PIK3C2G: variants seen among roughly 807,000 people sequenced by gnomAD.
PIK3C2G encodes phosphatidylinositol-4-phosphate 3-kinase catalytic subunit type 2 gamma.
PIK3C2G carries 168 observed loss-of-function variants against 181.1 expected under a neutral mutation model. The observed-to-expected ratio is 0.93, with a 90% CI of 0.82 to 1.05. The LOEUF is 1.05. Ranked by LOEUF, PIK3C2G falls within the 50% of genes least tolerant of loss-of-function variation. The pLI is 0.00. For synonymous variants in PIK3C2G, 573 were observed against 592.2 expected (o/e 0.97, Z 0.47); for missense variants, 1,869 against 1,732.8 (o/e 1.08, Z -1.40).
rs757230788 is a variant in PIK3C2G, at chr12:18,391,153, T to C, written c.2027T>C (p.Met676Thr). 3 of 1,608,936 alleles carry C rather than the reference T, an allele frequency of 1.9e-6. No homozygotes were observed. Among genetic ancestry groups the C allele is most frequent in the Admixed American group, 3.4e-5 (2 of 59,522 alleles). Residue 676 changes from methionine (M) to threonine (T), a missense_variant, in exon 15 of 33, where the codon ATG (methionine) becomes ACG (threonine). Physicochemically the swap from Met to Thr is moderately conservative, Grantham distance 81. Transcript: ENST00000538779. ...IDFPATGWEYMKPDSEENRSN... is the reference protein window; with the variant it reads ...IDFPATGWEYTKPDSEENRSN... ...TTTCCAGCTACTGGGTGGGAGTATA[T>C]GAAACCTGATTCTGAAGAGAATAGA... is the stretch of plus-strand genomic sequence containing the variant.
chr12:18,380,061 C>A (rs188089573), intron 13 of PIK3C2G, among the ~76,000 whole-genome samples: 1 of 152,294 alleles, frequency 6.6e-6, no homozygotes, highest in African/African-American at 2.4e-5. Flanking sequence ...TGATTTCCTT[C>A]CAGGATCTGA....
the PIK3C2G span, among the ~76,000 whole-genome samples, chr12:18,671,127 A>G: frequency 6.6e-6 from 1 of 151,458 alleles, no homozygotes; most frequent in Admixed American, 6.6e-5. Flanking sequence ...CAGTGATTTC[A>G]GCAGTGAGCC....
At chr12:18,442,605 T>C (rs1946804479) in intron 18 of PIK3C2G, among the ~76,000 whole-genome samples, 1 of 152,066 alleles carries the variant, frequency 6.6e-6, no homozygotes, top group Non-Finnish European at 1.5e-5. Context: ...CTCATACAAA[T>C]ATAGAGAGGC....
chr12:18,495,306 G>A (rs1213854231), intron 20 of PIK3C2G, among the ~76,000 whole-genome samples: 2 of 151,982 alleles, frequency 1.3e-5, no homozygotes, highest in African/African-American at 4.8e-5. Context: ...AAAATAAGAG[G>A]AAAACAGGCA....
chr12:18,496,192 C>A, intron 21 of PIK3C2G, 38 bp downstream of exon 21: 2 of 1,147,734 alleles, frequency 1.7e-6, no homozygotes, highest in Non-Finnish European at 2.5e-6. Flanking sequence ...TGATTCCATA[C>A]ACAGAACTAT....
At chr12:18,531,731 A>T (rs1406771875) in intron 24 of PIK3C2G, among the ~76,000 whole-genome samples, 1 of 152,238 alleles carries the variant, frequency 6.6e-6, no homozygotes, top group African/African-American at 2.4e-5. Context: ...TTTATTGACA[A>T]ATAACATTTC....
At position 18,377,275 on chromosome 12, in the gene PIK3C2G, TCTC is replaced by T. The variant is rs549320816; in HGVS notation, c.1881-4488_1881-4486del. 2.9e-3 allele frequency among the ~76,000 whole-genome samples: 448 copies of T among 152,300 alleles called. 2 individuals are homozygous for T. Among genetic ancestry groups the T allele is most frequent in the Middle Eastern group, 0.01 (3 of 294 alleles). Reference sequence around the variant, plus strand: ...AAAGAGGGTAAACCAGCCCATCTGTTCTCCTGGTGTCACAAATTTTGTGTTGGC... The same window carrying T: ...AAAGAGGGTAAACCAGCCCATCTGTTCTGGTGTCACAAATTTTGTGTTGGC... On this transcript the variant is annotated intron_variant, in intron 13 of 32. Transcript: ENST00000538779.
intron 18 of PIK3C2G, among the ~76,000 whole-genome samples, chr12:18,477,144 A>C (rs147290233): frequency 3.3e-5 from 5 of 152,158 alleles, no homozygotes; most frequent in African/African-American, 1.2e-4. Context: ...CGCCAGCCCT[A>C]TGGGATTAAG....
At chr12:18,460,011 C>T (rs192018159) in intron 18 of PIK3C2G, among the ~76,000 whole-genome samples, 8 of 152,280 alleles carry the variant, frequency 5.3e-5, no homozygotes, top group East Asian at 1.9e-4. Flanking sequence ...GTAAGATGCC[C>T]GCCTCGGCCT....
At chr12:18,450,021 C>G (rs1947261622) in intron 18 of PIK3C2G, among the ~76,000 whole-genome samples, 1 of 152,222 alleles carries the variant, frequency 6.6e-6, no homozygotes, top group African/African-American at 2.4e-5. Context: ...ATTTGCATTT[C>G]TCTAATAACC....
At chr12:18,577,464 G>A (rs1386705488) in intron 29 of PIK3C2G, among the ~76,000 whole-genome samples, 1 of 152,026 alleles carries the variant, frequency 6.6e-6, no homozygotes, top group Non-Finnish European at 1.5e-5. Context: ...CAGTATTTAC[G>A]GAAAGCAAGG....
At chr12:18,667,975 CA>C in the PIK3C2G span, among the ~76,000 whole-genome samples, 16 of 151,440 alleles carry the variant, frequency 1.1e-4, no homozygotes, top group Admixed American at 5.9e-4. Flanking sequence ...GCAACAACAA[CA>C]AAAAAAAAAG....
intron 22 of PIK3C2G, among the ~76,000 whole-genome samples, chr12:18,498,181 C>G (rs1291067997): frequency 6.6e-6 from 1 of 152,142 alleles, no homozygotes; most frequent in Non-Finnish European, 1.5e-5. Context: ...AATTTAATTT[C>G]TAAAATACTT....
chr12:18,718,284 T>C, the PIK3C2G span, among the ~76,000 whole-genome samples: 1 of 152,174 alleles, frequency 6.6e-6, no homozygotes, highest in Non-Finnish European at 1.5e-5. Context: ...CCACCAGCTA[T>C]ATCACCTGCA....
intron 15 of PIK3C2G, among the ~76,000 whole-genome samples, chr12:18,391,525 T>C (rs961534123): frequency 6.6e-6 from 1 of 152,188 alleles, no homozygotes; most frequent in Non-Finnish European, 1.5e-5. Flanking sequence ...AGTGATCATA[T>C]ATACATCAGC....
At chr12:18,324,753 G>T (rs1160702821) in intron 7 of PIK3C2G, among the ~76,000 whole-genome samples, 3 of 152,170 alleles carry the variant, frequency 2.0e-5, no homozygotes, top group Non-Finnish European at 4.4e-5. Flanking sequence ...TTTGAATTAA[G>T]AGTAGTTTTA....
chr12:18,526,489 T>C (rs1051984880), intron 24 of PIK3C2G, among the ~76,000 whole-genome samples: 1 of 152,210 alleles, frequency 6.6e-6, no homozygotes, highest in Non-Finnish European at 1.5e-5. Flanking sequence ...TTCAGTTGAT[T>C]GTAGGATCAT....
chr12:18,491,833 C>T (rs1294031934), intron 20 of PIK3C2G, among the ~76,000 whole-genome samples: 2 of 151,654 alleles, frequency 1.3e-5, no homozygotes, highest in East Asian at 3.9e-4. Flanking sequence ...AGGAACATAT[C>T]GCTGGGTTAA....
intron 29 of PIK3C2G, among the ~76,000 whole-genome samples, chr12:18,580,986 G>T (rs1366081652): frequency 1.3e-5 from 2 of 152,108 alleles, no homozygotes; most frequent in African/African-American, 4.8e-5. Flanking sequence ...AATTGATCTT[G>T]CTGTTATATT....
Sources: gnomAD v4.1 joint callset for allele counts (sites outside exome capture counted in the v4.1 genomes callset) on GRCh38, gnomAD v4.1.1 for gene constraint, MANE v1.5 for transcripts, NCBI Gene and HGNC (gene_info 2026-07-23, HGNC 2026-07-21) for gene names.